MAN1A2: variants seen among roughly 807,000 people sequenced by gnomAD.
MAN1A2 encodes the protein mannosyl-oligosaccharide 1,2-alpha-mannosidase IB.
MAN1A2 carries 26 observed loss-of-function variants against 75.7 expected under a neutral mutation model. The ratio of observed to expected loss-of-function variants is 0.34; its 90% CI spans 0.25 to 0.48. The LOEUF (loss-of-function observed/expected upper bound fraction) is 0.48, where lower values mean the gene tolerates loss of function less well. MAN1A2 is among the 20% of genes least tolerant of loss of function. The pLI is 0.99. For missense variants in MAN1A2, 562 were observed against 775.5 expected (o/e 0.72, Z 3.27); for synonymous variants, 247 against 264.6 (o/e 0.93, Z 0.65).
chr1:117,514,399 A>T (rs555737697), intron 12 of MAN1A2, among the ~76,000 whole-genome samples: 28 of 151,892 alleles, frequency 1.8e-4, no homozygotes, highest in Non-Finnish European at 3.5e-4. Context: ...GTTTTATAAA[A>T]TACTGGGGGC....
Position 117,476,107 on chromosome 1 carries a change from A to G in MAN1A2, c.1168+9680A>G, listed in dbSNP as rs140454694. Reference sequence around the variant, plus strand: ...TTGTGGTTTTGATTTGCATTTCTCTAATGACCAGTGATGATGAGCTTTTTT... The same window carrying G: ...TTGTGGTTTTGATTTGCATTTCTCTGATGACCAGTGATGATGAGCTTTTTT... On this transcript the variant is annotated intron_variant, in intron 8 of 12. Transcript: ENST00000356554. Among the ~76,000 whole-genome samples the G allele has an allele frequency of 8.1e-3, 1,231 of 152,170 alleles. 27 individuals are homozygous for G. Among genetic ancestry groups the G allele is most frequent in the African/African-American group, 0.028 (1,178 of 41,522 alleles).
chr1:117,469,685 A>G (rs1419013368), intron 8 of MAN1A2, among the ~76,000 whole-genome samples: 4 of 152,176 alleles, frequency 2.6e-5, no homozygotes, highest in African/African-American at 7.2e-5. Context: ...GAGGACTTGA[A>G]TAGTCATTTC....
chr1:117,468,131 T>C (rs1008000567), intron 8 of MAN1A2, among the ~76,000 whole-genome samples: 3 of 152,142 alleles, frequency 2.0e-5, no homozygotes, highest in African/African-American at 7.2e-5. Context: ...TCCACAGGGC[T>C]GGGGAAGCCT....
In MAN1A2 at chr1:117,492,073, C is replaced by A. The variant is rs764658829; in HGVS notation, c.1169-1074C>A. ...ATGACAATAAGGATTTAGAATACTA[C>A]GTAAATTTAGTTGATGCAGCAGTGT... On this transcript the variant is annotated intron_variant, in intron 8 of 12. Coordinates refer to ENST00000356554, the MANE Select transcript of MAN1A2 (RefSeq NM_006699.5). 6.6e-5 allele frequency among the ~76,000 whole-genome samples: 10 copies of A among 152,174 alleles called. No individual in the cohort carries two copies. The South Asian group carries it at 1.7e-3, about 25-fold the overall frequency.
At chr1:117,404,365 A>C (rs183750383) in intron 2 of MAN1A2, among the ~76,000 whole-genome samples, 3 of 152,218 alleles carry the variant, frequency 2.0e-5, no homozygotes, top group Non-Finnish European at 4.4e-5. Context: ...ATACTCTGCT[A>C]TTGTATAACT....
chr1:117,458,518 T>TA (rs1557959144), intron 6 of MAN1A2, among the ~76,000 whole-genome samples: 1 of 120,020 alleles, frequency 8.3e-6, no homozygotes, highest in East Asian at 2.3e-4. Flanking sequence ...TATAGATATA[T>TA]ATATATTTTT....
intron 3 of MAN1A2, among the ~76,000 whole-genome samples, chr1:117,406,962 C>G (rs972409802): frequency 6.6e-6 from 1 of 151,872 alleles, no homozygotes; most frequent in African/African-American, 2.4e-5. Flanking sequence ...CTCAGAACAT[C>G]TAATGTATTA....
At chr1:117,429,494 ACCTC>A (rs1481437953) in intron 5 of MAN1A2, among the ~76,000 whole-genome samples, 13 of 64,588 alleles carry the variant, frequency 2.0e-4, no homozygotes, top group African/African-American at 7.6e-4. Flanking sequence ...CGACACCCCC[ACCTC>A]CCTCCCGGAC....
intron 1 of MAN1A2, among the ~76,000 whole-genome samples, chr1:117,393,098 T>G (rs976184316): frequency 2.6e-5 from 4 of 151,904 alleles, no homozygotes; most frequent in Admixed American, 6.5e-5. Flanking sequence ...CACTGGAAAC[T>G]ATGTGATTCT....
At chr1:117,518,989 C>G (rs1557982649) in intron 12 of MAN1A2, among the ~76,000 whole-genome samples, 1 of 152,048 alleles carries the variant, frequency 6.6e-6, no homozygotes, top group Non-Finnish European at 1.5e-5. Context: ...CAAGCCCTCT[C>G]TCAGACCACA....
intron 6 of MAN1A2, among the ~76,000 whole-genome samples, chr1:117,454,272 C>T (rs1412530309): frequency 1.3e-5 from 2 of 152,120 alleles, no homozygotes; most frequent in East Asian, 1.9e-4. Flanking sequence ...ATTTGTTAAA[C>T]AGCTGTAAAT....
At chr1:117,397,641 C>A (rs1423534738) in intron 1 of MAN1A2, among the ~76,000 whole-genome samples, 1 of 111,170 alleles carries the variant, frequency 9.0e-6, no homozygotes, top group African/African-American at 3.1e-5. Flanking sequence ...CTGTTTATAA[C>A]CCCCTTTTTT....
chr1:117,415,595 A>T (rs1398462386), intron 4 of MAN1A2, among the ~76,000 whole-genome samples: 3 of 152,178 alleles, frequency 2.0e-5, no homozygotes, highest in Non-Finnish European at 4.4e-5. Flanking sequence ...TTTATTATCA[A>T]TTAAGTTTAG....
chr1:117,463,429 T>C (rs2101838735), intron 7 of MAN1A2, among the ~76,000 whole-genome samples: 1 of 152,040 alleles, frequency 6.6e-6, no homozygotes, highest in East Asian at 1.9e-4. Flanking sequence ...CTCTCATCCT[T>C]CCTGAACACA....
intron 1 of MAN1A2, among the ~76,000 whole-genome samples, chr1:117,379,324 T>G (rs534111652): frequency 1.3e-5 from 2 of 152,296 alleles, no homozygotes; most frequent in East Asian, 3.9e-4. Flanking sequence ...ACTTGGTTCT[T>G]TTGTATATTT....
At chr1:117,414,422 G>A (rs1647921890) in intron 3 of MAN1A2, among the ~76,000 whole-genome samples, 1 of 150,978 alleles carries the variant, frequency 6.6e-6, no homozygotes. Flanking sequence ...GAAAATTAAG[G>A]AAAAGTATGC....
At chr1:117,378,625 T>C (rs1027857534) in intron 1 of MAN1A2, among the ~76,000 whole-genome samples, 8 of 133,258 alleles carry the variant, frequency 6.0e-5, no homozygotes, top group Non-Finnish European at 1.3e-4. Flanking sequence ...TTGTAGGGTA[T>C]GTGTATCATT....
intron 5 of MAN1A2, among the ~76,000 whole-genome samples, chr1:117,421,398 A>T (rs1324779480): frequency 3.3e-5 from 5 of 150,568 alleles, no homozygotes; most frequent in African/African-American, 9.7e-5. Flanking sequence ...ATTTTGTTTA[A>T]TTTTTTTTTG....
Position 117,518,057 on chromosome 1 carries a change from T to C in MAN1A2, c.1794-4768T>C, listed in dbSNP as rs77438675. Among the ~76,000 whole-genome samples, 260 of 152,066 alleles carry C rather than the reference T, an allele frequency of 1.7e-3. 9 individuals are homozygous for C. In the East Asian group the frequency reaches 0.049, roughly 29 times the overall value. On this transcript the variant is annotated intron_variant, in intron 12 of 12. Transcript: ENST00000356554. ...TTTATATCATGACAGTTCATGAATT[T>C]CATAAAAATAAAAATATTTGCCACT... is the stretch of plus-strand genomic sequence containing the variant.
Sources: allele counts gnomAD v4.1 joint callset (sites outside exome capture counted in the v4.1 genomes callset), GRCh38; gene constraint gnomAD v4.1.1; transcripts MANE v1.5; gene names NCBI Gene and HGNC (gene_info 2026-07-23, HGNC 2026-07-21).